The following SP140 variants were observed in gnomAD, a reference collection of about 807,000 sequenced individuals.
The protein encoded by SP140 is SP140 nuclear body protein.
In SP140, 81 loss-of-function variants were observed where a neutral mutation model predicts 125.0. The observed-to-expected ratio is 0.65, with a 90% CI of 0.54 to 0.78. SP140 has a LOEUF of 0.78. Ranked by LOEUF, SP140 falls within the 30% of genes least tolerant of loss-of-function variation. The probability of loss-of-function intolerance (pLI) is 0.00; values close to 1 mark genes in which losing one functional copy is unlikely to be tolerated. For synonymous variants in SP140, 312 were observed against 354.0 expected (o/e 0.88, Z 1.33); for missense variants, 858 against 1,037.0 (o/e 0.83, Z 2.37).
chr2:230,231,352 G>C (rs1574890364), intron 1 of SP140, among the ~76,000 whole-genome samples: 1 of 152,122 alleles, frequency 6.6e-6, no homozygotes, highest in Admixed American at 6.6e-5. Flanking sequence ...GATAAGTCAG[G>C]TAATAGGAAC....
At chr2:230,308,931 C>T (rs1243033958) in intron 22 of SP140, among the ~76,000 whole-genome samples, 1 of 152,148 alleles carries the variant, frequency 6.6e-6, no homozygotes, top group Non-Finnish European at 1.5e-5. Flanking sequence ...CAGACTGGTT[C>T]TTTGTTGTAA....
intron 1 of SP140, among the ~76,000 whole-genome samples, chr2:230,233,895 G>A (rs1352434489): frequency 1.3e-5 from 2 of 152,174 alleles, no homozygotes; most frequent in African/African-American, 4.8e-5. Context: ...GAAAGATAAA[G>A]GGAAAATAAT....
upstream of SP140, among the ~76,000 whole-genome samples, chr2:230,201,390 A>G (rs2043171139): frequency 6.6e-6 from 1 of 152,252 alleles, no homozygotes; most frequent in South Asian, 2.1e-4. Context: ...AATGGCAGAT[A>G]AAACTGCTGG....
intron 22 of SP140, among the ~76,000 whole-genome samples, chr2:230,306,335 G>T (rs2058757882): frequency 6.6e-6 from 1 of 152,230 alleles, no homozygotes; most frequent in Non-Finnish European, 1.5e-5. Flanking sequence ...GAGGTTGGCT[G>T]GGGCACTGTG....
At chr2:230,299,939 C>G (rs916057844) in intron 22 of SP140, among the ~76,000 whole-genome samples, 1 of 152,078 alleles carries the variant, frequency 6.6e-6, no homozygotes, top group Non-Finnish European at 1.5e-5. Context: ...CCTCATCCCC[C>G]ACAGTGGCCA....
Position 230,239,099 on chromosome 2 carries a change from G to T in SP140, c.406+718G>T, listed in dbSNP as rs145471926. On this transcript the variant is annotated intron_variant, in intron 3 of 26. Transcript: ENST00000392045. Reference sequence around the variant, plus strand: ...GAAAAGTAAAAGAAGTCAGTATGAAGAATGGGATGTGTTGATTTGTGAATA... The same window carrying T: ...GAAAAGTAAAAGAAGTCAGTATGAATAATGGGATGTGTTGATTTGTGAATA... 2.0e-3 allele frequency: 2,594 copies of T among 1,298,758 alleles called. 28 individuals carry two copies. The African/African-American group carries it at 0.034, about 17-fold the overall frequency. The allele number at this position is 1,298,758 out of a possible 1,614,324, so 80.5% of individuals were successfully genotyped here.
chr2:230,252,470 C>A (rs1400830630), intron 10 of SP140, among the ~76,000 whole-genome samples: 1 of 151,872 alleles, frequency 6.6e-6, no homozygotes, highest in East Asian at 1.9e-4. Context: ...GAAAAAGAAA[C>A]CAAGACAAGG....
intron 12 of SP140, among the ~76,000 whole-genome samples, chr2:230,260,657 A>G (rs965465216): frequency 1.3e-5 from 2 of 152,132 alleles, no homozygotes; most frequent in African/African-American, 2.4e-5. Flanking sequence ...ATTCTCCTAC[A>G]TGTGGCTTGC....
At chr2:230,257,796 C>T (rs2051489190) in intron 12 of SP140, among the ~76,000 whole-genome samples, 1 of 151,978 alleles carries the variant, frequency 6.6e-6, no homozygotes, top group Admixed American at 6.6e-5. Flanking sequence ...AAGGGGCCAC[C>T]ACTTAATATC....
intron 15 of SP140, among the ~76,000 whole-genome samples, chr2:230,283,515 T>C (rs2055916195): frequency 6.6e-6 from 1 of 152,036 alleles, no homozygotes; most frequent in African/African-American, 2.4e-5. Flanking sequence ...ATGACCAGGG[T>C]CACAACAGAA....
chr2:230,189,139 T>A, the SP140 span, among the ~76,000 whole-genome samples: 986 of 152,230 alleles, frequency 6.5e-3, 3 homozygotes, highest in African/African-American at 0.022. Context: ...ATTTTGTTTA[T>A]CTTTTCAAAG....
chr2:230,287,484 C>T (rs73106374), intron 17 of SP140, among the ~76,000 whole-genome samples: 2,581 of 152,048 alleles, frequency 0.017, 92 homozygotes, highest in African/African-American at 0.059. Flanking sequence ...TCTGTAATGA[C>T]GGTAATCATC....
chr2:230,255,409 G>A, intron 11 of SP140, 43 bp from the exon 12 acceptor site: 5 of 1,604,248 alleles, frequency 3.1e-6, no homozygotes, highest in Non-Finnish European at 4.3e-6. Context: ...TTTTTTGTTG[G>A]TTGTATACTG....
At chr2:230,303,419 A>C (rs546936969) in intron 22 of SP140, among the ~76,000 whole-genome samples, 1 of 152,348 alleles carries the variant, frequency 6.6e-6, no homozygotes, top group Admixed American at 6.5e-5. Context: ...GTAATTAAAA[A>C]ATTGCCAATA....
chr2:230,270,895 C>A, intron 15 of SP140: 2 of 530,386 alleles, frequency 3.8e-6, no homozygotes, highest in Admixed American at 2.3e-5. Context: ...ATGGGGTGGG[C>A]ACAATCTAAT....
intron 12 of SP140, among the ~76,000 whole-genome samples, chr2:230,268,503 C>G (rs767986593): frequency 7.0e-6 from 1 of 143,790 alleles, no homozygotes; most frequent in Non-Finnish European, 1.5e-5. Flanking sequence ...CCAGCCTGGG[C>G]GACAAGAGTG....
chr2:230,199,920 C>T (rs67469122), upstream of SP140, among the ~76,000 whole-genome samples: 22,921 of 152,102 alleles, frequency 0.15, 2,128 homozygotes, highest in South Asian at 0.27. Flanking sequence ...AGGTTGTTAA[C>T]CCGGTGGCAG....
intron 16 of SP140, among the ~76,000 whole-genome samples, chr2:230,284,761 A>G (rs1264569662): frequency 6.6e-6 from 1 of 152,236 alleles, no homozygotes; most frequent in Non-Finnish European, 1.5e-5. Context: ...TAGTAAACAT[A>G]CATATATGTA....
At chr2:230,248,773 G>A (rs759912038) in intron 8 of SP140, 112 bp from the exon 9 acceptor site, 124 of 782,140 alleles carry the variant, frequency 1.6e-4, no homozygotes, top group South Asian at 2.6e-4. Context: ...GAGAAAAGGC[G>A]GAACAAGACA....
Sources: allele counts gnomAD v4.1 joint callset (sites outside exome capture counted in the v4.1 genomes callset), GRCh38; gene constraint gnomAD v4.1.1; transcripts MANE v1.5; gene names NCBI Gene and HGNC (gene_info 2026-07-23, HGNC 2026-07-21).